The following PCCA variants were observed in gnomAD, a reference collection of about 807,000 sequenced individuals.
The protein encoded by PCCA is propionyl-CoA carboxylase subunit alpha, also known as propionyl-CoA carboxylase alpha chain, mitochondrial.
In PCCA, 74 loss-of-function variants were observed where a neutral mutation model predicts 101.3. That is an observed-to-expected ratio of 0.73 (90% CI 0.61 to 0.89). The LOEUF (loss-of-function observed/expected upper bound fraction) is 0.89. Among genes scored for constraint, PCCA ranks in the 40% least tolerant of loss-of-function variants. The pLI, the probability that PCCA is intolerant of heterozygous loss-of-function variation, is 0.00. For synonymous variants in PCCA, 294 were observed against 313.6 expected (o/e 0.94, Z 0.66); for missense variants, 891 against 907.0 (o/e 0.98, Z 0.23).
chr13:100,349,135 T>A (rs573331394), intron 18 of PCCA, among the ~76,000 whole-genome samples: 1 of 151,132 alleles, frequency 6.6e-6, no homozygotes, highest in African/African-American at 2.4e-5. Context: ...TTTGTTTGTT[T>A]GTTTTGAGAC....
At chr13:100,094,157 G>A (rs2046543289) in intron 1 of PCCA, among the ~76,000 whole-genome samples, 1 of 151,492 alleles carries the variant, frequency 6.6e-6, no homozygotes, top group Non-Finnish European at 1.5e-5. Flanking sequence ...GAACCCAGGA[G>A]GTGGAGGTTG....
intron 12 of PCCA, among the ~76,000 whole-genome samples, chr13:100,286,611 A>G (rs1009181155): frequency 1.5e-4 from 23 of 151,962 alleles, no homozygotes; most frequent in African/African-American, 5.1e-4. Flanking sequence ...ATATCTAACA[A>G]CCCCTCCCCT....
chr13:100,386,670 C>T (rs904443877), intron 19 of PCCA, among the ~76,000 whole-genome samples: 4 of 152,192 alleles, frequency 2.6e-5, no homozygotes, highest in Non-Finnish European at 5.9e-5. Context: ...CGTGAGCCAC[C>T]GCGCCCAGCC....
intron 4 of PCCA, among the ~76,000 whole-genome samples, chr13:100,130,483 T>G (rs1315760827): frequency 6.6e-6 from 1 of 152,224 alleles, no homozygotes; most frequent in Non-Finnish European, 1.5e-5. Context: ...AGGCATTCAT[T>G]TATTTAATTA....
chr13:100,107,514 C>A (rs1004698069), intron 2 of PCCA, among the ~76,000 whole-genome samples: 11 of 151,894 alleles, frequency 7.2e-5, no homozygotes, highest in Non-Finnish European at 1.3e-4. Context: ...AGAGCAAAAC[C>A]CCGTCTCTTA....
chr13:100,336,672 G>A (rs901082812), intron 17 of PCCA, among the ~76,000 whole-genome samples: 3 of 152,164 alleles, frequency 2.0e-5, no homozygotes, highest in Non-Finnish European at 4.4e-5. Flanking sequence ...TGTGCTCTAG[G>A]CTCTGGGAAT....
intron 18 of PCCA, among the ~76,000 whole-genome samples, chr13:100,342,846 C>T (rs1267282180): frequency 6.6e-6 from 1 of 151,726 alleles, no homozygotes; most frequent in East Asian, 2.0e-4. Context: ...CTCAGTGTCC[C>T]TGGTAGCCAG....
chr13:100,188,608 C>G (rs1289000219), intron 6 of PCCA, among the ~76,000 whole-genome samples: 1 of 152,192 alleles, frequency 6.6e-6, no homozygotes, highest in Admixed American at 6.5e-5. Flanking sequence ...GGTAGTTCTA[C>G]TTTTAGTTCT....
chr13:100,421,226 A>G (rs537615094), intron 19 of PCCA, among the ~76,000 whole-genome samples: 1 of 152,100 alleles, frequency 6.6e-6, no homozygotes, highest in African/African-American at 2.4e-5. Flanking sequence ...AAATTAATGT[A>G]CTGTATGTAT....
intron 16 of PCCA, among the ~76,000 whole-genome samples, chr13:100,318,780 T>C (rs1315774158): frequency 2.0e-5 from 3 of 152,144 alleles, no homozygotes; most frequent in Admixed American, 6.6e-5. Flanking sequence ...TGAATAGTGC[T>C]GCAATAAACA....
intron 17 of PCCA, among the ~76,000 whole-genome samples, chr13:100,335,462 C>T (rs2070295915): frequency 6.6e-6 from 1 of 152,176 alleles, no homozygotes; most frequent in Admixed American, 6.5e-5. Context: ...TAGCTCATTA[C>T]CACTGCAGAA....
chr13:100,188,327 A>AAC (rs373773973), intron 6 of PCCA, among the ~76,000 whole-genome samples: 3 of 147,046 alleles, frequency 2.0e-5, no homozygotes, highest in Non-Finnish European at 3.1e-5. Flanking sequence ...AACAAAACAA[A>AAC]AACACAAAGA....
chr13:100,474,462 CTCTCTCTG>C (rs1236595086), intron 21 of PCCA, among the ~76,000 whole-genome samples: 130 of 132,852 alleles, frequency 9.8e-4, no homozygotes, highest in East Asian at 1.4e-3. Flanking sequence ...CTCTCTCTCT[CTCTCTCTG>C]TCTCTGTCTC....
intron 21 of PCCA, among the ~76,000 whole-genome samples, chr13:100,469,612 AC>A (rs1223382410): frequency 6.6e-6 from 1 of 151,930 alleles, no homozygotes; most frequent in Non-Finnish European, 1.5e-5. Context: ...CCCCATCTCT[AC>A]TAAAAATACA....
intron 7 of PCCA, among the ~76,000 whole-genome samples, chr13:100,231,408 CA>C (rs1436211699): frequency 6.6e-6 from 1 of 151,770 alleles, no homozygotes; most frequent in African/African-American, 2.4e-5. Context: ...GCAAGATGAA[CA>C]GGGGTGGGGC....
At chr13:100,443,625 G>T (rs1254673506) in intron 20 of PCCA, among the ~76,000 whole-genome samples, 1 of 149,536 alleles carries the variant, frequency 6.7e-6, no homozygotes, top group African/African-American at 2.5e-5. Context: ...AGACTTTCTT[G>T]CCACGCAGCA....
chr13:100,153,330 G>C (rs1432912882), intron 4 of PCCA, among the ~76,000 whole-genome samples: 2 of 152,120 alleles, frequency 1.3e-5, no homozygotes, highest in Non-Finnish European at 2.9e-5. Context: ...GCTAAAATCT[G>C]CACTAACTAC....
At chr13:100,279,216 A>T (rs1034302664) in intron 12 of PCCA, among the ~76,000 whole-genome samples, 4 of 152,218 alleles carry the variant, frequency 2.6e-5, no homozygotes, top group African/African-American at 4.8e-5. Context: ...GATATTTAAC[A>T]TCATACTTTG....
chr13:100,375,433 T>A lies in PCCA; in HGVS notation c.1746+6859T>A, dbSNP rs188078609. On this transcript the variant is annotated intron_variant, in intron 19 of 23. Transcript: ENST00000376285. ...GTCCTGAATATCCTTGTTAATTTTC[T>A]GTCTCATTGATCTAATATTGACAGT... is the stretch of plus-strand genomic sequence containing the variant. Among the ~76,000 whole-genome samples, 433 of 152,338 alleles carry A rather than the reference T, an allele frequency of 2.8e-3. 2 individuals are homozygous for A. Among genetic ancestry groups the A allele is most frequent in the Non-Finnish European group, 4.3e-3 (291 of 68,030 alleles).
Sources: gnomAD v4.1 joint callset for allele counts (sites outside exome capture counted in the v4.1 genomes callset) on GRCh38, gnomAD v4.1.1 for gene constraint, MANE v1.5 for transcripts, NCBI Gene and HGNC (gene_info 2026-07-23, HGNC 2026-07-21) for gene names.